The following BTBD9 variants were observed in gnomAD, a reference collection of about 807,000 sequenced individuals.
BTBD9 encodes the protein BTB domain containing 9, also known as BTB/POZ domain-containing protein 9.
In BTBD9, 49 loss-of-function variants were observed where a neutral mutation model predicts 64.3. The ratio of observed to expected loss-of-function variants is 0.76; its 90% CI spans 0.61 to 0.97. The LOEUF (loss-of-function observed/expected upper bound fraction) is 0.97. Among genes scored for constraint, BTBD9 ranks in the 50% least tolerant of loss-of-function variants. The pLI is 0.00. For missense variants in BTBD9, 598 were observed against 762.1 expected (o/e 0.78, Z 2.53); for synonymous variants, 260 against 274.7 (o/e 0.95, Z 0.53).
At chr6:38,205,991 C>T (rs1471246218) in intron 9 of BTBD9, among the ~76,000 whole-genome samples, 1 of 151,232 alleles carries the variant, frequency 6.6e-6, no homozygotes, top group Non-Finnish European at 1.5e-5. Context: ...TGGGAGATCC[C>T]AGGATGAGAG....
chr6:38,348,894 A>C (rs533156015), intron 6 of BTBD9, among the ~76,000 whole-genome samples: 1 of 152,176 alleles, frequency 6.6e-6, no homozygotes, highest in South Asian at 2.1e-4. Flanking sequence ...TGTGTCACTT[A>C]AGGGAAAAAA....
At chr6:38,521,477 A>G (rs1242096268) in intron 6 of BTBD9, among the ~76,000 whole-genome samples, 2 of 152,218 alleles carry the variant, frequency 1.3e-5, no homozygotes, top group African/African-American at 4.8e-5. Context: ...ATTTCAGAAT[A>G]TCTGCATTAT....
intron 6 of BTBD9, among the ~76,000 whole-genome samples, chr6:38,526,198 C>T (rs1397374822): frequency 1.3e-5 from 2 of 152,242 alleles, no homozygotes; most frequent in African/African-American, 4.8e-5. Context: ...GCACCTGCTC[C>T]AGCTCCAGCC....
intron 6 of BTBD9, among the ~76,000 whole-genome samples, chr6:38,375,935 G>GA (rs1476323415): frequency 1.0e-5 from 1 of 98,534 alleles, no homozygotes; most frequent in East Asian, 8.6e-4. Context: ...AAGAAAGAAA[G>GA]AAAGAAGGAA....
At chr6:38,506,236 T>C (rs1582544752) in intron 6 of BTBD9, among the ~76,000 whole-genome samples, 4 of 152,296 alleles carry the variant, frequency 2.6e-5, no homozygotes, top group South Asian at 2.1e-4. Flanking sequence ...GTTGAAAATA[T>C]TGTAAGCCAA....
intron 6 of BTBD9, among the ~76,000 whole-genome samples, chr6:38,551,080 C>T (rs538682046): frequency 6.6e-6 from 1 of 152,124 alleles, no homozygotes; most frequent in African/African-American, 2.4e-5. Flanking sequence ...TGAGGCCTTG[C>T]CTATTTGAAA....
chr6:38,260,489 T>C (rs1168373650), intron 8 of BTBD9, among the ~76,000 whole-genome samples: 1 of 152,196 alleles, frequency 6.6e-6, no homozygotes, highest in Non-Finnish European at 1.5e-5. Flanking sequence ...TCTCAAAACA[T>C]TTCATGGAAA....
intron 9 of BTBD9, among the ~76,000 whole-genome samples, chr6:38,207,654 A>G (rs1049278342): frequency 6.6e-6 from 1 of 152,108 alleles, no homozygotes; most frequent in East Asian, 1.9e-4. Context: ...ATTAAACATC[A>G]AATAAAATTA....
At chr6:38,304,558 A>AC (rs1312681514) in intron 7 of BTBD9, among the ~76,000 whole-genome samples, 17 of 147,266 alleles carry the variant, frequency 1.2e-4, no homozygotes, top group East Asian at 4.0e-4. Context: ...AAAACAAACA[A>AC]AAAAAAAAAA....
chr6:38,546,148 G>A (rs1037877455), intron 6 of BTBD9, among the ~76,000 whole-genome samples: 2 of 152,206 alleles, frequency 1.3e-5, no homozygotes, highest in Admixed American at 6.5e-5. Flanking sequence ...TCTATCCGAT[G>A]AGTTTTCTCT....
chr6:38,342,121 T>A (rs1333594845), intron 7 of BTBD9, among the ~76,000 whole-genome samples: 1 of 152,168 alleles, frequency 6.6e-6, no homozygotes, highest in Non-Finnish European at 1.5e-5. Context: ...TCTGACTTTT[T>A]AAAATGATAA....
At chr6:38,620,164 C>T (rs886926953) in intron 1 of BTBD9, among the ~76,000 whole-genome samples, 1 of 152,188 alleles carries the variant, frequency 6.6e-6, no homozygotes, top group African/African-American at 2.4e-5. Context: ...GCAGTCCCTG[C>T]AATACCCGAA....
chr6:38,448,770 G>A (rs779910239), intron 6 of BTBD9, among the ~76,000 whole-genome samples: 5 of 152,088 alleles, frequency 3.3e-5, no homozygotes, highest in Admixed American at 2.6e-4. Context: ...CGCCTGCCTC[G>A]GCCTCCCAAA....
chr6:38,271,105 A>G (rs1318871807), intron 8 of BTBD9, among the ~76,000 whole-genome samples: 2 of 152,242 alleles, frequency 1.3e-5, no homozygotes, highest in African/African-American at 4.8e-5. Flanking sequence ...TTGCAAAGAA[A>G]TATAAACCAA....
At chr6:38,466,344 G>A (rs569673976) in intron 6 of BTBD9, among the ~76,000 whole-genome samples, 33 of 130,440 alleles carry the variant, frequency 2.5e-4, no homozygotes, top group African/African-American at 9.1e-4. Flanking sequence ...CCAGGCTGGA[G>A]TGCAATGGAG....
chr6:38,344,913 TAA>T, intron 7 of BTBD9, 69 bp downstream of exon 7: 1 of 1,025,002 alleles, frequency 9.8e-7, no homozygotes, highest in Non-Finnish European at 1.5e-6. Context: ...TAAGATAAGT[TAA>T]GAGAGTAACA....
At chr6:38,494,900 A>T (rs1771883820) in intron 6 of BTBD9, among the ~76,000 whole-genome samples, 1 of 152,250 alleles carries the variant, frequency 6.6e-6, no homozygotes. Flanking sequence ...GTAAACACTT[A>T]TAATATTCTT....
chr6:38,579,736 C>T (rs747385832), intron 5 of BTBD9, among the ~76,000 whole-genome samples: 12 of 152,020 alleles, frequency 7.9e-5, no homozygotes, highest in African/African-American at 2.4e-4. Flanking sequence ...GAATACAAAA[C>T]GACTATTAAA....
chr6:38,314,661 A>G (rs1478506121), intron 7 of BTBD9, among the ~76,000 whole-genome samples: 1 of 151,504 alleles, frequency 6.6e-6, no homozygotes, highest in African/African-American at 2.4e-5. Flanking sequence ...CAATCTCGTT[A>G]CTTGTTATTG....
Sources: allele counts gnomAD v4.1 joint callset (sites outside exome capture counted in the v4.1 genomes callset), GRCh38; gene constraint gnomAD v4.1.1; transcripts MANE v1.5; gene names NCBI Gene and HGNC (gene_info 2026-07-23, HGNC 2026-07-21).